CFAP299: variants seen among roughly 807,000 people sequenced by gnomAD.
CFAP299 encodes cilia and flagella associated protein 299.
CFAP299 carries 21 observed loss-of-function variants against 27.0 expected under a neutral mutation model. The ratio of observed to expected loss-of-function variants is 0.78; its 90% confidence interval spans 0.55 to 1.12. The LOEUF is 1.12. Among genes scored for constraint, CFAP299 ranks in the 50% most tolerant of loss-of-function variants. The pLI, the probability that CFAP299 is intolerant of heterozygous loss-of-function variation, is 0.00. For missense variants in CFAP299, 310 were observed against 276.6 expected (o/e 1.12, Z -0.86); for synonymous variants, 104 against 98.1 (o/e 1.06, Z -0.36).
intron 2 of CFAP299, among the ~76,000 whole-genome samples, chr4:80,535,494 C>CAA (rs143122836): frequency 0.029 from 955 of 33,240 alleles, 215 homozygotes; most frequent in Non-Finnish European, 0.055. Context: ...GACTCCGTCT[C>CAA]AAAAAAAAAA....
intron 5 of CFAP299, among the ~76,000 whole-genome samples, chr4:80,957,877 A>G (rs550810158): frequency 6.6e-6 from 1 of 152,262 alleles, no homozygotes; most frequent in East Asian, 1.9e-4. Context: ...AGCTAGTCTT[A>G]TTAGGTTTGC....
intron 2 of CFAP299, among the ~76,000 whole-genome samples, chr4:80,550,989 G>T (rs1465548907): frequency 1.3e-5 from 2 of 152,076 alleles, no homozygotes; most frequent in Admixed American, 6.6e-5. Flanking sequence ...TGTTAAAGAT[G>T]GATAATTGAC....
rs555374690 is a variant in CFAP299, at chr4:80,689,797, C to T, written c.333+106614C>T. On this transcript the variant is annotated intron_variant, in intron 3 of 5. Transcript: ENST00000358105. The stretch of plus-strand genomic sequence containing the variant: ...ATCAGTGTGCTGTATTCAGGAAACC[C>T]ATCTCACATGCAGAGACACACATAG... Among the ~76,000 whole-genome samples, 4 of 152,194 alleles carry T rather than the reference C, an allele frequency of 2.6e-5. No individual in the cohort carries two copies. In the South Asian group the frequency reaches 8.3e-4, roughly 32 times the overall value.
In CFAP299 at chr4:80,935,849, A is replaced by G. The variant is rs182475320; in HGVS notation, c.477-8961A>G. Among the ~76,000 whole-genome samples the G allele has an allele frequency of 4.0e-3, 616 of 152,118 alleles. 1 individual carries two copies. The highest frequency in any genetic ancestry group is 0.014 in the Middle Eastern group (4 of 294). ...AAGGTTCTATCCATTATCTAAAAGG[A>G]ACTTAAATTTACAAGAAAAAACAAA... is the stretch of plus-strand genomic sequence containing the variant. On this transcript the variant is annotated intron_variant, in intron 4 of 5. Transcript: ENST00000358105.
At chr4:80,746,228 A>T (rs1406456973) in intron 3 of CFAP299, among the ~76,000 whole-genome samples, 2 of 151,994 alleles carry the variant, frequency 1.3e-5, no homozygotes, top group Non-Finnish European at 2.9e-5. Flanking sequence ...CTTCTACTTT[A>T]GAGAGTGTCG....
chr4:80,503,450 G>C (rs1731837523), intron 2 of CFAP299, among the ~76,000 whole-genome samples: 1 of 151,946 alleles, frequency 6.6e-6, no homozygotes, highest in South Asian at 2.1e-4. Context: ...AATTTTCATA[G>C]AACTTTTTAT....
intron 3 of CFAP299, among the ~76,000 whole-genome samples, chr4:80,729,752 A>G (rs1356854588): frequency 1.3e-5 from 2 of 151,588 alleles, no homozygotes; most frequent in Non-Finnish European, 2.9e-5. Flanking sequence ...GGCGCCTGCC[A>G]CCACACCTGG....
intron 1 of CFAP299, among the ~76,000 whole-genome samples, chr4:80,339,587 A>T (rs1033652123): frequency 6.6e-6 from 1 of 152,224 alleles, no homozygotes; most frequent in Non-Finnish European, 1.5e-5. Context: ...TGCTTTGCTT[A>T]TTTTACTGAA....
At chr4:80,953,189 G>A (rs1018196267) in intron 5 of CFAP299, among the ~76,000 whole-genome samples, 1 of 152,156 alleles carries the variant, frequency 6.6e-6, no homozygotes. Context: ...TTAATATTGG[G>A]CCAGTGGGGC....
At chr4:80,702,126 TA>T (rs1189463016) in intron 3 of CFAP299, among the ~76,000 whole-genome samples, 3 of 150,780 alleles carry the variant, frequency 2.0e-5, no homozygotes, top group Middle Eastern at 3.4e-3. Flanking sequence ...TAAATATATT[TA>T]TTTTTTATAA....
At chr4:80,826,596 T>C (rs574395968) in intron 3 of CFAP299, among the ~76,000 whole-genome samples, 1 of 151,884 alleles carries the variant, frequency 6.6e-6, no homozygotes, top group East Asian at 1.9e-4. Context: ...AAGGCAGATA[T>C]AGACAGTTCC....
intron 3 of CFAP299, among the ~76,000 whole-genome samples, chr4:80,720,736 A>T (rs922757377): frequency 6.6e-6 from 1 of 152,204 alleles, no homozygotes; most frequent in Non-Finnish European, 1.5e-5. Flanking sequence ...ACAGAGAAAC[A>T]GGAAAATGCT....
intron 2 of CFAP299, among the ~76,000 whole-genome samples, chr4:80,385,027 A>G (rs766520548): frequency 6.6e-6 from 1 of 152,188 alleles, no homozygotes. Flanking sequence ...TGTTATATGT[A>G]TACATTGTGG....
chr4:80,408,083 A>G (rs1247685009), intron 2 of CFAP299, among the ~76,000 whole-genome samples: 1 of 152,170 alleles, frequency 6.6e-6, no homozygotes, highest in Non-Finnish European at 1.5e-5. Context: ...AGGTTTTTCC[A>G]TGGTGAACAG....
At chr4:80,642,987 A>G (rs10013105) in intron 3 of CFAP299, among the ~76,000 whole-genome samples, 134,630 of 151,910 alleles carry the variant, frequency 0.89, 60,149 homozygotes, top group East Asian at 1. Context: ...GGAAAATCCT[A>G]AGAGACGTTA....
In CFAP299 at chr4:80,412,853, T is replaced by C. The variant is rs149551932; in HGVS notation, c.242+49969T>C. Among the ~76,000 whole-genome samples, 133 of 152,338 alleles carry C rather than the reference T, an allele frequency of 8.7e-4. No homozygotes were observed. The Middle Eastern group carries it at 0.037, about 43-fold the overall frequency. On this transcript the variant is annotated intron_variant, in intron 2 of 5. Transcript: ENST00000358105. ...TCTCAGTTCATAGGGATGGCAATTA[T>C]CTTCCTTAATGGGTATGCATCCTTC...
At chr4:80,439,084 A>C (rs1330439428) in intron 2 of CFAP299, among the ~76,000 whole-genome samples, 1 of 152,236 alleles carries the variant, frequency 6.6e-6, no homozygotes, top group East Asian at 1.9e-4. Flanking sequence ...CGAAGACACT[A>C]TACTGTTTGC....
intron 2 of CFAP299, among the ~76,000 whole-genome samples, chr4:80,539,061 T>C (rs1344428113): frequency 6.6e-6 from 1 of 152,208 alleles, no homozygotes; most frequent in East Asian, 1.9e-4. Flanking sequence ...TTTGTTCCAC[T>C]AAATTAAATT....
chr4:80,869,764 G>A (rs947708501), intron 3 of CFAP299, among the ~76,000 whole-genome samples: 5 of 152,116 alleles, frequency 3.3e-5, no homozygotes, highest in Admixed American at 6.5e-5. Flanking sequence ...TGCCCGCTTC[G>A]GCCTCCCAAA....
Sources: gnomAD v4.1 joint callset for allele counts (sites outside exome capture counted in the v4.1 genomes callset) on GRCh38, gnomAD v4.1.1 for gene constraint, MANE v1.5 for transcripts, NCBI Gene and HGNC (gene_info 2026-07-23, HGNC 2026-07-21) for gene names.